SCGB2B2: variants seen among roughly 807,000 people sequenced by gnomAD.
SCGB2B2 encodes secretoglobin-like protein.
SCGB2B2 carries 11 observed loss-of-function variants against 7.6 expected under a neutral mutation model. The observed-to-expected ratio is 1.45, with a 90% CI of 0.91 to 2.40. The LOEUF (loss-of-function observed/expected upper bound fraction) is 2.40, where lower values mean the gene tolerates loss of function less well. Among genes scored for constraint, SCGB2B2 ranks in the 30% most tolerant of loss-of-function variants. The pLI, the probability that SCGB2B2 is intolerant of heterozygous loss-of-function variation, is 0.00. For synonymous variants in SCGB2B2, 50 were observed against 48.6 expected (o/e 1.03, Z -0.12); for missense variants, 104 against 115.4 (o/e 0.90, Z 0.45).
intron 1 of SCGB2B2, among the ~76,000 whole-genome samples, chr19:34,619,962 C>T (rs1178785125): frequency 6.6e-6 from 1 of 152,030 alleles, no homozygotes; most frequent in Non-Finnish European, 1.5e-5. Flanking sequence ...AAGTGCACAA[C>T]TGGAATTAAC....
chr19:34,627,430 G>C (rs908016979), intron 1 of SCGB2B2, among the ~76,000 whole-genome samples: 4 of 151,890 alleles, frequency 2.6e-5, no homozygotes, highest in African/African-American at 9.7e-5. Flanking sequence ...CAAGCAAATG[G>C]AAAACAAAAC....
intron 1 of SCGB2B2, among the ~76,000 whole-genome samples, chr19:34,661,196 A>G (rs1047546262): frequency 6.6e-6 from 1 of 152,174 alleles, no homozygotes; most frequent in Admixed American, 6.5e-5. Flanking sequence ...TGGGTGCAGT[A>G]AACCAACATG....
chr19:34,630,616 A>C (rs1469288414), intron 1 of SCGB2B2, among the ~76,000 whole-genome samples: 1 of 151,926 alleles, frequency 6.6e-6, no homozygotes, highest in Non-Finnish European at 1.5e-5. Context: ...AGGAAATAAC[A>C]GGTGCTGGAG....
At chr19:34,632,503 G>A (rs968493992) in intron 1 of SCGB2B2, among the ~76,000 whole-genome samples, 1 of 152,160 alleles carries the variant, frequency 6.6e-6, no homozygotes, top group Non-Finnish European at 1.5e-5. Context: ...CATAAAAATT[G>A]TAAACATTAG....
chr19:34,622,501 A>T (rs1020558319), intron 1 of SCGB2B2, among the ~76,000 whole-genome samples: 1 of 152,222 alleles, frequency 6.6e-6, no homozygotes, highest in African/African-American at 2.4e-5. Context: ...TGGGAAGGGC[A>T]AAGAGGAAAT....
chr19:34,658,358 CTAATAAACAAGA>C (rs2067341012), intron 1 of SCGB2B2, among the ~76,000 whole-genome samples: 2 of 151,726 alleles, frequency 1.3e-5, no homozygotes, highest in African/African-American at 4.8e-5. Context: ...GCTAGCAAGA[CTAATAAACAAGA>C]AAAGAGAGAA....
rs146339380 is a variant in SCGB2B2 at position 34,625,331 on chromosome 19, T to A, written c.-2031-28737A>T. ...CGAAGCAGGGCGAGGCATCATCTCA[T>A]CCGGGAAGCACAAGGGGTCAGGGAA... On this transcript the variant is annotated intron_variant, in intron 1 of 3. Coordinates refer to ENST00000601241, the MANE Select transcript of SCGB2B2 (RefSeq NM_001025591.4). Among the ~76,000 whole-genome samples, 540 of 152,258 alleles carry A rather than the reference T, an allele frequency of 3.5e-3. 2 individuals carry two copies. The highest frequency in any genetic ancestry group is 0.012 in the African/African-American group (487 of 41,546).
intron 1 of SCGB2B2, among the ~76,000 whole-genome samples, chr19:34,664,003 T>C (rs984690215): frequency 2.5e-5 from 2 of 81,026 alleles, no homozygotes; most frequent in Non-Finnish European, 4.6e-5. Flanking sequence ...GGGACACCTC[T>C]GCTAAGGGAC....
chr19:34,627,487 C>T (rs1245558251), intron 1 of SCGB2B2, among the ~76,000 whole-genome samples: 1 of 152,140 alleles, frequency 6.6e-6, no homozygotes, highest in African/African-American at 2.4e-5. Flanking sequence ...ATAAAACAGA[C>T]TTTAAACCAA....
At chr19:34,602,465 A>G (rs1179952562) in intron 1 of SCGB2B2, among the ~76,000 whole-genome samples, 1 of 152,100 alleles carries the variant, frequency 6.6e-6, no homozygotes, top group East Asian at 1.9e-4. Context: ...ATTCTAAGAG[A>G]TCTAGTCTAC....
At chr19:34,666,418 C>T (rs963557359) in intron 1 of SCGB2B2, among the ~76,000 whole-genome samples, 2 of 152,188 alleles carry the variant, frequency 1.3e-5, no homozygotes, top group African/African-American at 4.8e-5. Context: ...AAGCCTCTCG[C>T]CCCACATACA....
At chr19:34,611,203 C>CT (rs2065917175) in intron 1 of SCGB2B2, among the ~76,000 whole-genome samples, 1 of 133,574 alleles carries the variant, frequency 7.5e-6, no homozygotes, top group African/African-American at 2.5e-5. Context: ...TTACTTGTGC[C>CT]TTTTTTCTTG....
chr19:34,643,554 T>C (rs1462633579), intron 1 of SCGB2B2, among the ~76,000 whole-genome samples: 2 of 152,134 alleles, frequency 1.3e-5, no homozygotes, highest in East Asian at 1.9e-4. Flanking sequence ...TATTTCAAAG[T>C]AGCTGGAAGG....
rs548583336 is a variant in SCGB2B2 at position 34,664,993 on chromosome 19, G to A, written c.-2032+10637C>T. Among the ~76,000 whole-genome samples the A allele has an allele frequency of 2.0e-5, 3 of 152,318 alleles. No individual in the cohort carries two copies. In the South Asian group the frequency reaches 6.2e-4, roughly 32 times the overall value. On this transcript the variant is annotated intron_variant, in intron 1 of 3. Coordinates refer to ENST00000601241, the MANE Select transcript of SCGB2B2 (RefSeq NM_001025591.4). ...CTCCTGCCCAGGTGTTTGGCACAGGGGACGCCCCCACACCGGCCCCATCAT... is the reference window on the plus strand; with the variant it reads ...CTCCTGCCCAGGTGTTTGGCACAGGAGACGCCCCCACACCGGCCCCATCAT...
At chr19:34,628,545 C>T (rs2066441204) in intron 1 of SCGB2B2, among the ~76,000 whole-genome samples, 2 of 151,892 alleles carry the variant, frequency 1.3e-5, no homozygotes, top group Admixed American at 1.3e-4. Context: ...TGGACACATA[C>T]ACCCTCCCAA....
chr19:34,593,360 G>A lies in SCGB2B2; in HGVS notation c.*195C>T, dbSNP rs930223657. 2.1e-5 allele frequency: 11 copies of A among 534,106 alleles called. No individual in the cohort carries two copies. In the Middle Eastern group the frequency reaches 1.5e-3, roughly 73 times the overall value. 33.1% of individuals were successfully genotyped at this position (534,106 alleles called of 1,614,324 possible). ...ACACCTGTAGAGTTTTTCCTCAGTC[G>A]CATATTTTCACACTGGGACCCTGGT... On this transcript the variant is annotated 3_prime_UTR_variant, in exon 4 of 4. Coordinates refer to ENST00000601241, the MANE Select transcript of SCGB2B2 (RefSeq NM_001025591.4).
At chr19:34,631,717 T>C (rs1393343928) in intron 1 of SCGB2B2, among the ~76,000 whole-genome samples, 2 of 152,022 alleles carry the variant, frequency 1.3e-5, no homozygotes, top group African/African-American at 4.8e-5. Flanking sequence ...TTCAATGCAA[T>C]CCCAATCAAA....
At position 34,676,151 on chromosome 19, in the gene SCGB2B2, T is replaced by A. The variant is rs920490250; in HGVS notation, c.-2553A>T. On this transcript the variant is annotated 5_prime_UTR_variant, in exon 1 of 4. Transcript: ENST00000601241. ...GTCTATTTTACAGAGTGCTGTTTGG[T>A]CCGTTTTTACAGAGTGCTGACTGGT... 1 of 152,204 alleles carries A rather than the reference T, an allele frequency of 6.6e-6. No individual in the cohort carries two copies. Among genetic ancestry groups the A allele is most frequent in the African/African-American group, 2.4e-5 (1 of 41,440 alleles). The allele number at this position is 152,204 out of a possible 1,614,324, so 9.4% of individuals were successfully genotyped here. A position where few individuals can be genotyped will look rare whatever the true frequency, so the allele number is the denominator to read the frequency against.
intron 1 of SCGB2B2, among the ~76,000 whole-genome samples, chr19:34,599,604 G>A (rs892152024): frequency 1.3e-5 from 2 of 152,114 alleles, no homozygotes; most frequent in Non-Finnish European, 2.9e-5. Context: ...ATGAATCAAT[G>A]ATCTCTCACT....
Sources: gnomAD v4.1 joint callset for allele counts (sites outside exome capture counted in the v4.1 genomes callset) on GRCh38, gnomAD v4.1.1 for gene constraint, MANE v1.5 for transcripts, NCBI Gene and HGNC (gene_info 2026-07-23, HGNC 2026-07-21) for gene names.